EPHA6: variants seen among roughly 807,000 people sequenced by gnomAD.
EPHA6 encodes the protein EPH receptor A6.
EPHA6 carries 50 observed loss-of-function variants against 112.0 expected under a neutral mutation model. The ratio of observed to expected loss-of-function variants is 0.45; its 90% CI spans 0.36 to 0.56. The LOEUF is 0.56. EPHA6 is among the 20% of genes least tolerant of loss of function. EPHA6 has a pLI of 0.00. For synonymous variants in EPHA6, 529 were observed against 490.7 expected, an observed-to-expected ratio of 1.08 and a Z score of -1.03; for missense variants, 1,280 against 1,417.4, an observed-to-expected ratio of 0.90 and a Z score of 1.56.
At chr3:97,256,645 T>A (rs2079325486) in intron 5 of EPHA6, among the ~76,000 whole-genome samples, 1 of 152,082 alleles carries the variant, frequency 6.6e-6, no homozygotes, top group Non-Finnish European at 1.5e-5. Flanking sequence ...AATCATTTTT[T>A]TCATGGTTAC....
chr3:97,057,190 T>G (rs2045879563), intron 3 of EPHA6, among the ~76,000 whole-genome samples: 1 of 152,240 alleles, frequency 6.6e-6, no homozygotes, highest in Non-Finnish European at 1.5e-5. Flanking sequence ...CAATTAATTT[T>G]AACCATCATC....
At chr3:97,093,166 C>T (rs2047126155) in intron 3 of EPHA6, among the ~76,000 whole-genome samples, 1 of 152,154 alleles carries the variant, frequency 6.6e-6, no homozygotes, top group Non-Finnish European at 1.5e-5. Flanking sequence ...TGCTGTAAGT[C>T]TATAACTTTT....
chr3:97,569,943 G>A (rs576379722), intron 11 of EPHA6: 1 of 152,174 alleles, frequency 6.6e-6, no homozygotes, highest in East Asian at 1.9e-4. Context: ...CCAGAGAGGG[G>A]TTATGTAAGT....
chr3:97,082,691 A>G (rs894505124), intron 3 of EPHA6, among the ~76,000 whole-genome samples: 3 of 151,904 alleles, frequency 2.0e-5, no homozygotes, highest in East Asian at 1.9e-4. Flanking sequence ...AGTCTCTTAG[A>G]AGAATCAGTG....
intron 3 of EPHA6, among the ~76,000 whole-genome samples, chr3:97,110,225 G>T (rs1205413691): frequency 2.0e-5 from 3 of 151,970 alleles, no homozygotes; most frequent in Non-Finnish European, 4.4e-5. Context: ...TGGATGATGG[G>T]CACAAATTAC....
chr3:97,171,318 A>T (rs1190635156), intron 3 of EPHA6, among the ~76,000 whole-genome samples: 2 of 152,314 alleles, frequency 1.3e-5, no homozygotes, highest in East Asian at 3.9e-4. Context: ...TGAGAAGAAG[A>T]TAAAGCTTAA....
intron 3 of EPHA6, among the ~76,000 whole-genome samples, chr3:97,007,863 A>G (rs1013828433): frequency 3.9e-5 from 6 of 152,048 alleles, no homozygotes; most frequent in African/African-American, 1.4e-4. Context: ...TGCTTAAGAA[A>G]CTTAGTTTGG....
chr3:97,531,278 A>T (rs1009943911), intron 10 of EPHA6, among the ~76,000 whole-genome samples: 1 of 152,022 alleles, frequency 6.6e-6, no homozygotes, highest in African/African-American at 2.4e-5. Flanking sequence ...AGAAAAATTA[A>T]AAGTCTAGAA....
chr3:96,874,363 A>T (rs536600752), intron 2 of EPHA6, among the ~76,000 whole-genome samples: 1 of 152,206 alleles, frequency 6.6e-6, no homozygotes, highest in Non-Finnish European at 1.5e-5. Flanking sequence ...TTAGAAAGGA[A>T]CTAAAGAAAT....
intron 14 of EPHA6, among the ~76,000 whole-genome samples, chr3:97,707,872 G>A (rs955796596): frequency 2.6e-5 from 4 of 152,166 alleles, no homozygotes; most frequent in African/African-American, 9.7e-5. Context: ...CATGTAAGAT[G>A]TGCCTTGCTT....
chr3:97,361,081 G>A (rs754872009), intron 5 of EPHA6, among the ~76,000 whole-genome samples: 11 of 152,268 alleles, frequency 7.2e-5, no homozygotes, highest in Middle Eastern at 3.4e-3. Context: ...ATCAAGGATC[G>A]CTTTGTTTTC....
chr3:97,478,213 C>T (rs1282681981), intron 8 of EPHA6, among the ~76,000 whole-genome samples: 1 of 151,962 alleles, frequency 6.6e-6, no homozygotes, highest in East Asian at 1.9e-4. Flanking sequence ...TAAGTTAAGG[C>T]CTTATTTTTT....
chr3:97,582,706 G>A (rs375773047), intron 11 of EPHA6, among the ~76,000 whole-genome samples: 1 of 152,130 alleles, frequency 6.6e-6, no homozygotes, highest in East Asian at 1.9e-4. Context: ...AACCAATCAA[G>A]TAGTAATTAT....
At chr3:97,499,198 C>A (rs1336950426) in intron 10 of EPHA6, among the ~76,000 whole-genome samples, 1 of 150,180 alleles carries the variant, frequency 6.7e-6, no homozygotes, top group East Asian at 1.9e-4. Context: ...TTACCTGATT[C>A]TGTTTTTTAA....
intron 5 of EPHA6, among the ~76,000 whole-genome samples, chr3:97,262,890 G>A (rs2079548353): frequency 6.6e-6 from 1 of 152,130 alleles, no homozygotes; most frequent in Non-Finnish European, 1.5e-5. Flanking sequence ...GTACCAATTT[G>A]TTGAATGTAT....
intron 6 of EPHA6, among the ~76,000 whole-genome samples, chr3:97,421,089 A>T (rs1221151626): frequency 6.6e-6 from 1 of 152,048 alleles, no homozygotes; most frequent in Admixed American, 6.5e-5. Flanking sequence ...TAGCCGTCTT[A>T]GTGAGGAAAT....
chr3:97,120,506 T>C lies in EPHA6; in HGVS notation c.1115-105758T>C, dbSNP rs553332742. Among the ~76,000 whole-genome samples, 4 of 152,060 alleles carry C rather than the reference T, an allele frequency of 2.6e-5. No homozygotes were observed. The South Asian group carries it at 6.2e-4, about 24-fold the overall frequency. The stretch of plus-strand genomic sequence containing the variant: ...CTAATGTAGAAAGACAAGTTGATAA[T>C]GGACTGAGTCACCACTTCTTCTAGG... On this transcript the variant is annotated intron_variant, in intron 3 of 17. Transcript: ENST00000389672.
At chr3:97,222,225 C>T (rs1576713291) in intron 3 of EPHA6, among the ~76,000 whole-genome samples, 1 of 151,976 alleles carries the variant, frequency 6.6e-6, no homozygotes, top group African/African-American at 2.4e-5. Context: ...ATGCTGTATA[C>T]TATTAATGTG....
At chr3:96,927,796 C>T (rs923068028) in intron 2 of EPHA6, among the ~76,000 whole-genome samples, 1 of 152,172 alleles carries the variant, frequency 6.6e-6, no homozygotes, top group Non-Finnish European at 1.5e-5. Context: ...AAGTGCCCCA[C>T]TCCGGGTACC....
Sources: allele counts gnomAD v4.1 joint callset (sites outside exome capture counted in the v4.1 genomes callset), GRCh38; gene constraint gnomAD v4.1.1; transcripts MANE v1.5; gene names NCBI Gene and HGNC (gene_info 2026-07-23, HGNC 2026-07-21).